SUPT3H: variants seen among roughly 807,000 people sequenced by gnomAD.
SUPT3H encodes the protein transcription initiation protein SPT3 homolog.
In SUPT3H, 44 loss-of-function variants were observed where a neutral mutation model predicts 44.3. The ratio of observed to expected loss-of-function variants is 0.99; its 90% CI spans 0.78 to 1.28. The LOEUF (loss-of-function observed/expected upper bound fraction) is 1.28, where lower values mean the gene tolerates loss of function less well. Ranked by LOEUF, SUPT3H falls within the 50% of genes most tolerant of loss-of-function variation. SUPT3H has a pLI of 0.00. For synonymous variants in SUPT3H, 124 were observed against 125.6 expected (o/e 0.99, Z 0.09); for missense variants, 380 against 387.1 (o/e 0.98, Z 0.15).
chr6:44,938,276 T>G (rs888485197), intron 9 of SUPT3H, among the ~76,000 whole-genome samples: 2 of 152,124 alleles, frequency 1.3e-5, no homozygotes, highest in African/African-American at 4.8e-5. Context: ...GGGGACCAGT[T>G]TCATTCTTCT....
intron 9 of SUPT3H, among the ~76,000 whole-genome samples, chr6:44,944,980 C>T (rs1001719789): frequency 5.3e-5 from 8 of 151,848 alleles, no homozygotes; most frequent in Admixed American, 3.9e-4. Flanking sequence ...TATGGTAACC[C>T]TAAATCAAGC....
At chr6:45,237,050 T>C (rs1196422178) in intron 2 of SUPT3H, among the ~76,000 whole-genome samples, 3 of 152,148 alleles carry the variant, frequency 2.0e-5, no homozygotes, top group African/African-American at 4.8e-5. Flanking sequence ...GGAGAGCGTA[T>C]AGCACAACTC....
Position 45,306,008 on chromosome 6 carries a change from A to G in SUPT3H, c.101+59193T>C, listed in dbSNP as rs747391067. On this transcript the variant is annotated intron_variant, in intron 2 of 10. Coordinates refer to ENST00000371459, the MANE Select transcript of SUPT3H (RefSeq NM_003599.4). The stretch of plus-strand genomic sequence containing the variant: ...GCATATACCTGTACTCCCAATTCTC[A>G]TCTCCACTGATGTGTTCACAAGCCT... 4.5e-4 allele frequency among the ~76,000 whole-genome samples: 69 copies of G among 152,192 alleles called. 1 individual carries two copies. The highest frequency in any genetic ancestry group is 1.3e-4 in the Non-Finnish European group (9 of 68,040).
chr6:45,121,518 T>TGGGG (rs35707096), intron 2 of SUPT3H, among the ~76,000 whole-genome samples: 3 of 142,552 alleles, frequency 2.1e-5, no homozygotes, highest in African/African-American at 5.1e-5. Flanking sequence ...TGAAATTATG[T>TGGGG]GGGGGGGGGG....
intron 2 of SUPT3H, among the ~76,000 whole-genome samples, chr6:45,218,156 GT>G (rs1765404364): frequency 6.6e-6 from 1 of 152,030 alleles, no homozygotes; most frequent in Non-Finnish European, 1.5e-5. Context: ...AAGCAAAAGA[GT>G]GAAAAATATA....
chr6:45,082,027 A>G (rs1032673581), intron 3 of SUPT3H, among the ~76,000 whole-genome samples: 6 of 152,306 alleles, frequency 3.9e-5, no homozygotes, highest in African/African-American at 1.2e-4. Flanking sequence ...CATTTTACAC[A>G]AACTAGAAAA....
At chr6:45,306,988 G>A (rs2149964088) in intron 2 of SUPT3H, among the ~76,000 whole-genome samples, 1 of 152,330 alleles carries the variant, frequency 6.6e-6, no homozygotes. Context: ...ACCTGGCTCA[G>A]AAGGTCCCAG....
chr6:44,960,865 G>A (rs556263906), intron 7 of SUPT3H, among the ~76,000 whole-genome samples: 6 of 152,086 alleles, frequency 3.9e-5, no homozygotes, highest in Admixed American at 2.0e-4. Flanking sequence ...ATTTACATGG[G>A]ATACTATGCA....
chr6:45,349,040 T>C (rs937252542), intron 2 of SUPT3H, among the ~76,000 whole-genome samples: 2 of 152,212 alleles, frequency 1.3e-5, no homozygotes, highest in African/African-American at 4.8e-5. Flanking sequence ...GTTTATAATC[T>C]TTCCACTGGT....
intron 2 of SUPT3H, among the ~76,000 whole-genome samples, chr6:45,305,327 C>T (rs995159207): frequency 1.3e-5 from 2 of 152,290 alleles, no homozygotes; most frequent in South Asian, 4.1e-4. Flanking sequence ...TTCCGCTATA[C>T]CTACTGCATT....
intron 2 of SUPT3H, among the ~76,000 whole-genome samples, chr6:45,160,475 T>G (rs907030991): frequency 6.6e-6 from 1 of 152,124 alleles, no homozygotes; most frequent in Non-Finnish European, 1.5e-5. Flanking sequence ...TAGAAATGAA[T>G]GAGCACGACA....
intron 2 of SUPT3H, among the ~76,000 whole-genome samples, chr6:45,117,483 T>C (rs1462282978): frequency 3.3e-5 from 5 of 152,126 alleles, no homozygotes; most frequent in Non-Finnish European, 7.4e-5. Flanking sequence ...TTGAGATTGA[T>C]GTCAAGTTCA....
chr6:45,376,827 C>T (rs1796844861), intron 1 of SUPT3H, among the ~76,000 whole-genome samples: 1 of 151,714 alleles, frequency 6.6e-6, no homozygotes, highest in African/African-American at 2.4e-5. Flanking sequence ...ATACTAAGAC[C>T]CCAGGTCCTC....
intron 3 of SUPT3H, among the ~76,000 whole-genome samples, chr6:45,059,793 C>A (rs914554451): frequency 6.6e-6 from 1 of 151,890 alleles, no homozygotes; most frequent in Non-Finnish European, 1.5e-5. Context: ...TATTCCTATA[C>A]AACAACAACA....
chr6:45,299,604 T>G (rs1034151018), intron 2 of SUPT3H, among the ~76,000 whole-genome samples: 4 of 152,032 alleles, frequency 2.6e-5, no homozygotes, highest in Non-Finnish European at 2.9e-5. Context: ...AGAGATTTTT[T>G]AGTCAATTCA....
intron 2 of SUPT3H, among the ~76,000 whole-genome samples, chr6:45,241,221 T>C (rs1770263300): frequency 2.1e-5 from 2 of 95,756 alleles, no homozygotes; most frequent in South Asian, 3.0e-4. Context: ...CCCCCAAATC[T>C]TGCCATAAGC....
chr6:45,306,079 A>C (rs1339290720), intron 2 of SUPT3H, among the ~76,000 whole-genome samples: 1 of 152,246 alleles, frequency 6.6e-6, no homozygotes, highest in African/African-American at 2.4e-5. Flanking sequence ...AGGTGCCTAC[A>C]TGATACATAT....
At chr6:44,817,433 A>G (rs1181745304) in intron 11 of SUPT3H, among the ~76,000 whole-genome samples, 3 of 152,168 alleles carry the variant, frequency 2.0e-5, no homozygotes, top group East Asian at 3.8e-4. Context: ...CAGGATGTCC[A>G]TTTTTACCAC....
chr6:44,869,319 C>G (rs1230446298), intron 10 of SUPT3H, among the ~76,000 whole-genome samples: 1 of 152,038 alleles, frequency 6.6e-6, no homozygotes, highest in Non-Finnish European at 1.5e-5. Flanking sequence ...AAAAACAACT[C>G]CTTGGGAGTT....
Sources: gnomAD v4.1 joint callset for allele counts (sites outside exome capture counted in the v4.1 genomes callset) on GRCh38, gnomAD v4.1.1 for gene constraint, MANE v1.5 for transcripts, NCBI Gene and HGNC (gene_info 2026-07-23, HGNC 2026-07-21) for gene names.